MYO1D: variants seen among roughly 807,000 people sequenced by gnomAD.
MYO1D encodes the protein unconventional myosin-Id.
A neutral mutation model predicts 122.0 loss-of-function variants in MYO1D; 83 were observed. The ratio of observed to expected loss-of-function variants is 0.68; its 90% CI spans 0.57 to 0.82. The LOEUF (loss-of-function observed/expected upper bound fraction) is 0.82. Ranked by LOEUF, MYO1D falls within the 40% of genes least tolerant of loss-of-function variation. The pLI, the probability that MYO1D is intolerant of heterozygous loss-of-function variation, is 0.00. For synonymous variants in MYO1D, 464 were observed against 446.9 expected, an observed-to-expected ratio of 1.04 and a Z score of -0.48; for missense variants, 1,157 against 1,269.5, an observed-to-expected ratio of 0.91 and a Z score of 1.35.
chr17:32,641,578 C>T (rs2150941519), intron 19 of MYO1D, among the ~76,000 whole-genome samples: 2 of 152,366 alleles, frequency 1.3e-5, no homozygotes, highest in Admixed American at 1.3e-4. Context: ...TATTTCTCCA[C>T]ATCCTCTCCA....
chr17:32,706,385 G>T lies in MYO1D; in HGVS notation c.2121+5603C>A, dbSNP rs140328223. Among the ~76,000 whole-genome samples, 733 of 152,246 alleles carry T rather than the reference G, an allele frequency of 4.8e-3. 10 individuals carry two copies. The highest frequency in any genetic ancestry group is 0.014 in the African/African-American group (591 of 41,558). ...AGCCTCCCAAAGTGCTGGGATTATA[G>T]GCATGAGCCATTGCACCTGGCCTAA... On this transcript the variant is annotated intron_variant, in intron 16 of 21. Coordinates refer to ENST00000318217, the MANE Select transcript of MYO1D (RefSeq NM_015194.3).
At chr17:32,758,132 C>T (rs372000046) in intron 10 of MYO1D, among the ~76,000 whole-genome samples, 2 of 152,002 alleles carry the variant, frequency 1.3e-5, no homozygotes, top group Non-Finnish European at 1.5e-5. Context: ...ACAGGACATA[C>T]AAGAAACAGA....
In MYO1D at chr17:32,654,754, T is replaced by A. The variant is rs926482433; in HGVS notation, c.2346-133A>T. ...AGTGCATGGCATGATCTCAGCTCACTGCAACCTCTGCCTCCCAGGTTCAAG... is the reference window on the plus strand; with the variant it reads ...AGTGCATGGCATGATCTCAGCTCACAGCAACCTCTGCCTCCCAGGTTCAAG... On this transcript the variant is annotated intron_variant, in intron 17 of 21. Coordinates refer to ENST00000318217, the MANE Select transcript of MYO1D (RefSeq NM_015194.3). 7 of 751,854 alleles carry A rather than the reference T, an allele frequency of 9.3e-6. No homozygotes were observed. In the African/African-American group the frequency reaches 1.3e-4, roughly 14 times the overall value. 46.6% of individuals were successfully genotyped at this position (751,854 alleles called of 1,614,324 possible).
chr17:32,851,947 A>C (rs147614047), intron 1 of MYO1D, among the ~76,000 whole-genome samples: 2,113 of 152,280 alleles, frequency 0.014, 43 homozygotes, highest in African/African-American at 0.046. Context: ...CCTGATCTAC[A>C]GCATTTACTA....
intron 10 of MYO1D, 30 bp from the exon 11 acceptor site, chr17:32,755,692 A>C: frequency 1.3e-6 from 2 of 1,595,836 alleles, no homozygotes; most frequent in Non-Finnish European, 1.7e-6. Flanking sequence ...GGGAATTCTG[A>C]AGAGAACAGT....
At chr17:32,699,790 TA>T (rs1229108345) in intron 16 of MYO1D, among the ~76,000 whole-genome samples, 1 of 152,220 alleles carries the variant, frequency 6.6e-6, no homozygotes, top group African/African-American at 2.4e-5. Context: ...GGAGATTCAT[TA>T]AACTGTTCTT....
chr17:32,566,889 C>A (rs1472836814), intron 21 of MYO1D, among the ~76,000 whole-genome samples: 2 of 136,472 alleles, frequency 1.5e-5, no homozygotes, highest in Non-Finnish European at 3.2e-5. Context: ...TGAGACACAT[C>A]TGTGTGATCT....
intron 14 of MYO1D, among the ~76,000 whole-genome samples, chr17:32,728,603 T>C (rs2089602635): frequency 6.6e-6 from 1 of 152,160 alleles, no homozygotes; most frequent in Admixed American, 6.5e-5. Flanking sequence ...TTTGATGAAA[T>C]AAGACTAAGC....
At chr17:32,601,089 TG>T (rs1416464080) in intron 21 of MYO1D, among the ~76,000 whole-genome samples, 5 of 151,766 alleles carry the variant, frequency 3.3e-5, no homozygotes, top group African/African-American at 4.8e-5. Context: ...TGCACCACCA[TG>T]CTTGACTAAC....
At chr17:32,631,383 G>A (rs895234283) in intron 20 of MYO1D, among the ~76,000 whole-genome samples, 12 of 152,216 alleles carry the variant, frequency 7.9e-5, no homozygotes, top group Non-Finnish European at 1.8e-4. Flanking sequence ...GCTCATGCCT[G>A]TAATTCCAGC....
At position 32,767,648 on chromosome 17, in the gene MYO1D, A is replaced by C. The variant is rs780315510; in HGVS notation, c.819T>G (p.Ala273=). The C allele has an allele frequency of 6.2e-7, 1 of 1,608,818 alleles. No homozygotes were observed. The highest frequency in any genetic ancestry group is 8.5e-7 in the Non-Finnish European group (1 of 1,175,708). ...TGTCCCTACTCACCAAGTGCAGAATAGCAGCCAAAATCTTATACACTGTTT... is the reference window on the plus strand; with the variant it reads ...TGTCCCTACTCACCAAGTGCAGAATCGCAGCCAAAATCTTATACACTGTTT... ...EIQTVYKILA[A]ILHLGNLKFV... The change falls in exon 7 of 22, where the codon GCT becomes GCG. Residue 273 remains alanine, a synonymous_variant. Coordinates refer to ENST00000318217, the MANE Select transcript of MYO1D (RefSeq NM_015194.3).
At chr17:32,799,150 T>A (rs2090440833) in intron 1 of MYO1D, among the ~76,000 whole-genome samples, 1 of 152,138 alleles carries the variant, frequency 6.6e-6, no homozygotes, top group South Asian at 2.1e-4. Context: ...GGAAGTGAAC[T>A]AAGAGAATAA....
Position 32,721,020 on chromosome 17 carries a change from C to T in MYO1D, c.1913+3G>A. The stretch of plus-strand genomic sequence containing the variant: ...TAGGCCTCTCTGACGAGTCTATTCT[C>T]ACCTGTGAAGAAACTTCTCGTATGT... On this transcript the variant is annotated splice_donor_region_variant and intron_variant, in intron 15 of 21. Transcript: ENST00000318217. 1 of 1,613,560 alleles carries T rather than the reference C, an allele frequency of 6.2e-7. No homozygotes were observed. The highest frequency in any genetic ancestry group is 1.1e-5 in the South Asian group (1 of 90,972).
At chr17:32,746,223 G>A (rs1303369025) in intron 12 of MYO1D, among the ~76,000 whole-genome samples, 2 of 152,068 alleles carry the variant, frequency 1.3e-5, no homozygotes, top group Admixed American at 6.5e-5. Flanking sequence ...TGCCTGCCCC[G>A]ACCTAGGTCT....
rs143493074 is a variant in MYO1D at position 32,521,420 on chromosome 17, A to G, written c.2865-26505T>C. ...GTGATGAAGGCCTGTAAATTCCCGCATAATCAGGAACAAACTGAAAAGAAC... is the reference window on the plus strand; with the variant it reads ...GTGATGAAGGCCTGTAAATTCCCGCGTAATCAGGAACAAACTGAAAAGAAC... On this transcript the variant is annotated intron_variant, in intron 21 of 21. Transcript: ENST00000318217. 1.1e-4 allele frequency among the ~76,000 whole-genome samples: 16 copies of G among 152,350 alleles called. No individual in the cohort carries two copies. In the East Asian group the frequency reaches 2.9e-3, roughly 28 times the overall value.
At chr17:32,671,266 T>C (rs906835171) in intron 16 of MYO1D, among the ~76,000 whole-genome samples, 3 of 152,206 alleles carry the variant, frequency 2.0e-5, no homozygotes, top group East Asian at 1.9e-4. Context: ...GCTTCTATGT[T>C]GGTGCTTGGA....
chr17:32,773,103 GA>G (rs1435856694), intron 4 of MYO1D, among the ~76,000 whole-genome samples: 1 of 152,240 alleles, frequency 6.6e-6, no homozygotes, highest in Non-Finnish European at 1.5e-5. Flanking sequence ...TGCTCTGTGA[GA>G]AAGACTGACT....
At chr17:32,872,624 A>G (rs997199030) in intron 1 of MYO1D, among the ~76,000 whole-genome samples, 2 of 150,396 alleles carry the variant, frequency 1.3e-5, no homozygotes, top group Non-Finnish European at 3.0e-5. Flanking sequence ...CTTCTCAGAT[A>G]TCCTAACTCG....
At chr17:32,564,731 C>T (rs1323624706) in intron 21 of MYO1D, among the ~76,000 whole-genome samples, 8 of 152,118 alleles carry the variant, frequency 5.3e-5, no homozygotes, top group Admixed American at 5.2e-4. Flanking sequence ...AGCTGGAAGC[C>T]CTTCCACATA....
Sources: allele counts gnomAD v4.1 joint callset (sites outside exome capture counted in the v4.1 genomes callset), GRCh38; gene constraint gnomAD v4.1.1; transcripts MANE v1.5; gene names NCBI Gene and HGNC (gene_info 2026-07-23, HGNC 2026-07-21).